FUT9: variants seen among roughly 807,000 people sequenced by gnomAD.
FUT9 encodes 4-galactosyl-N-acetylglucosaminide 3-alpha-L-fucosyltransferase 9.
In FUT9, 15 loss-of-function variants were observed where a neutral mutation model predicts 29.7. That is an observed-to-expected ratio of 0.51 (90% CI 0.34 to 0.78). The LOEUF (loss-of-function observed/expected upper bound fraction) is 0.78. Among genes scored for constraint, FUT9 ranks in the 30% least tolerant of loss-of-function variants. FUT9 has a pLI of 0.01. For synonymous variants in FUT9, 169 were observed against 153.7 expected (o/e 1.10, Z -0.74); for missense variants, 319 against 425.4 (o/e 0.75, Z 2.20).
intron 2 of FUT9, among the ~76,000 whole-genome samples, chr6:96,147,709 T>C (rs965132459): frequency 6.6e-6 from 1 of 151,688 alleles, no homozygotes; most frequent in African/African-American, 2.4e-5. Context: ...ATCCTTTCTG[T>C]GCTAATTGAA....
At chr6:96,077,934 G>T (rs75488382) in intron 1 of FUT9, among the ~76,000 whole-genome samples, 1 of 152,056 alleles carries the variant, frequency 6.6e-6, no homozygotes, top group African/African-American at 2.4e-5. Flanking sequence ...TATCCCTAGC[G>T]TTCCGAAATT....
intron 2 of FUT9, among the ~76,000 whole-genome samples, chr6:96,141,572 G>A (rs1234760457): frequency 1.3e-5 from 2 of 152,186 alleles, no homozygotes. Context: ...AGGTGGAGCA[G>A]CATAGCAGTC....
At chr6:96,067,131 T>C (rs1770975193) in intron 1 of FUT9, among the ~76,000 whole-genome samples, 1 of 150,092 alleles carries the variant, frequency 6.7e-6, no homozygotes, top group African/African-American at 2.4e-5. Flanking sequence ...TTGATATATA[T>C]GTATACATAT....
intron 1 of FUT9, among the ~76,000 whole-genome samples, chr6:96,094,421 A>G (rs574234162): frequency 6.6e-6 from 1 of 152,292 alleles, no homozygotes; most frequent in East Asian, 1.9e-4. Context: ...GAACACATAA[A>G]GCACTTTCTT....
intron 1 of FUT9, among the ~76,000 whole-genome samples, chr6:96,048,793 C>T (rs1177237126): frequency 1.3e-5 from 2 of 152,030 alleles, no homozygotes; most frequent in Non-Finnish European, 2.9e-5. Context: ...GGGGAACTGA[C>T]CAAGTACAAT....
intron 1 of FUT9, among the ~76,000 whole-genome samples, chr6:96,086,811 C>T: frequency 6.6e-6 from 1 of 152,162 alleles, no homozygotes; most frequent in Non-Finnish European, 1.5e-5. Context: ...ATATTTTCCA[C>T]TGCTTGGCCT....
intron 2 of FUT9, among the ~76,000 whole-genome samples, chr6:96,167,056 T>A (rs1274790565): frequency 2.6e-5 from 4 of 152,200 alleles, no homozygotes; most frequent in Admixed American, 2.6e-4. Flanking sequence ...TACATTAACT[T>A]TGTAACTTTT....
At chr6:96,150,243 G>A (rs1232546872) in intron 2 of FUT9, among the ~76,000 whole-genome samples, 1 of 152,168 alleles carries the variant, frequency 6.6e-6, no homozygotes, top group African/African-American at 2.4e-5. Context: ...ATGAAGGAGT[G>A]ATTCCAGCTG....
intron 2 of FUT9, among the ~76,000 whole-genome samples, chr6:96,151,549 G>A (rs545341410): frequency 4.8e-4 from 73 of 152,214 alleles, no homozygotes; most frequent in African/African-American, 1.7e-3. Flanking sequence ...CCTTGCTTCA[G>A]GGCACTGCAA....
chr6:96,145,884 G>A (rs1772557724), intron 2 of FUT9, among the ~76,000 whole-genome samples: 1 of 151,902 alleles, frequency 6.6e-6, no homozygotes, highest in South Asian at 2.1e-4. Context: ...TCATTTTTTT[G>A]AGGTAAGGTC....
intron 2 of FUT9, among the ~76,000 whole-genome samples, chr6:96,177,515 A>C: frequency 6.6e-6 from 1 of 152,070 alleles, no homozygotes; most frequent in East Asian, 1.9e-4. Flanking sequence ...AAAACAGAAA[A>C]CCTATCTGTT....
intron 1 of FUT9, among the ~76,000 whole-genome samples, chr6:96,029,398 A>G (rs1770222916): frequency 6.6e-6 from 1 of 151,622 alleles, no homozygotes; most frequent in African/African-American, 2.4e-5. Context: ...TTGGTAATAC[A>G]GGTGCAGAGT....
chr6:96,119,630 G>A (rs1771981825), intron 2 of FUT9, among the ~76,000 whole-genome samples: 1 of 152,102 alleles, frequency 6.6e-6, no homozygotes, highest in East Asian at 1.9e-4. Flanking sequence ...GTATCTCAGA[G>A]GAAATAAAGT....
intron 1 of FUT9, among the ~76,000 whole-genome samples, chr6:96,017,477 A>T (rs958752308): frequency 1.3e-5 from 2 of 152,194 alleles, no homozygotes; most frequent in Non-Finnish European, 2.9e-5. Flanking sequence ...TGGAGTGAAC[A>T]TCGGGAGGGG....
At chr6:96,198,540 C>A (rs1773670509) in intron 2 of FUT9, among the ~76,000 whole-genome samples, 1 of 151,930 alleles carries the variant, frequency 6.6e-6, no homozygotes, top group Non-Finnish European at 1.5e-5. Context: ...GGGTTGGTTC[C>A]AAGTCTTTGC....
chr6:96,129,659 T>C (rs1457423309), intron 2 of FUT9, among the ~76,000 whole-genome samples: 2 of 152,056 alleles, frequency 1.3e-5, no homozygotes, highest in Non-Finnish European at 1.5e-5. Flanking sequence ...TGGTTACCTC[T>C]TGGGGAAGAG....
chr6:96,094,657 G>T (rs1020852831), intron 1 of FUT9, among the ~76,000 whole-genome samples: 4 of 152,082 alleles, frequency 2.6e-5, no homozygotes, highest in African/African-American at 7.2e-5. Flanking sequence ...TACTCAAAAA[G>T]TTCTGACAAT....
At chr6:96,161,376 CA>C (rs1450562749) in intron 2 of FUT9, among the ~76,000 whole-genome samples, 4 of 152,130 alleles carry the variant, frequency 2.6e-5, no homozygotes, top group Non-Finnish European at 5.9e-5. Flanking sequence ...AATCTGCCAG[CA>C]CCTTAATCTT....
At chr6:96,043,002 A>G (rs571783527) in intron 1 of FUT9, among the ~76,000 whole-genome samples, 1 of 152,374 alleles carries the variant, frequency 6.6e-6, no homozygotes, top group East Asian at 1.9e-4. Flanking sequence ...AAAATAAAAT[A>G]CATTTTACCT....
Sources: gnomAD v4.1 joint callset for allele counts (sites outside exome capture counted in the v4.1 genomes callset) on GRCh38, gnomAD v4.1.1 for gene constraint, MANE v1.5 for transcripts, NCBI Gene and HGNC (gene_info 2026-07-23, HGNC 2026-07-21) for gene names.